Variants in PGM3 observed in about 807,000 individuals in gnomAD.
PGM3 encodes phosphoacetylglucosamine mutase.
A neutral mutation model predicts 66.2 loss-of-function variants in PGM3; 40 were observed. That is an observed-to-expected ratio of 0.60 (90% confidence interval 0.47 to 0.79). PGM3 has a LOEUF of 0.79. PGM3 is among the 30% of genes least tolerant of loss of function. The pLI is 0.00. For synonymous variants in PGM3, 191 were observed against 224.2 expected (o/e 0.85, Z 1.32); for missense variants, 537 against 643.4 (o/e 0.83, Z 1.79).
At chr6:83,164,659 G>A, downstream of PGM3, 1 of 1,572,682 alleles carries the variant, frequency 6.4e-7, no homozygotes, top group Non-Finnish European at 8.6e-7. Context: ...TCCTTCCACA[G>A]GACAAGGAGG....
downstream of PGM3, among the ~76,000 whole-genome samples, chr6:83,163,232 C>T (rs906338947): frequency 1.3e-5 from 2 of 152,024 alleles, no homozygotes; most frequent in African/African-American, 4.8e-5. Flanking sequence ...TGGAACCATA[C>T]ATGTGAGTAT....
At chr6:83,151,535 G>A in the PGM3 span, 21 of 1,378,414 alleles carry the variant, frequency 1.5e-5, no homozygotes, top group Middle Eastern at 2.6e-3. Flanking sequence ...AAATTAGATC[G>A]CATTAGTTTC....
chr6:83,179,636 C>CAA (rs1400548172), intron 7 of PGM3, among the ~76,000 whole-genome samples, 174 bp downstream of exon 7: 1 of 152,122 alleles, frequency 6.6e-6, no homozygotes, highest in Non-Finnish European at 1.5e-5. Flanking sequence ...GTTCCAAAGC[C>CAA]AATGCCTCAA....
downstream of PGM3, among the ~76,000 whole-genome samples, chr6:83,161,890 C>T (rs772706510): frequency 2.5e-4 from 38 of 152,246 alleles, no homozygotes; most frequent in Admixed American, 3.9e-4. Context: ...AGAGTATCCA[C>T]TGTGGTACTT....
the PGM3 span, chr6:83,148,905 T>C: frequency 1.6e-6 from 2 of 1,236,168 alleles, no homozygotes; most frequent in Non-Finnish European, 2.2e-6. Context: ...AAAAGGATAA[T>C]GTTAATTGTC....
the PGM3 span, chr6:83,154,310 T>A: frequency 2.8e-6 from 4 of 1,424,754 alleles, no homozygotes; most frequent in Admixed American, 3.4e-5. Flanking sequence ...TTACTTGTAC[T>A]CTTTTCTGGA....
chr6:83,173,540 A>T (rs1244172325), intron 10 of PGM3, among the ~76,000 whole-genome samples: 2 of 152,210 alleles, frequency 1.3e-5, no homozygotes, highest in Admixed American at 6.5e-5. Context: ...TTCACTTATA[A>T]AATGGAAATT....
intron 3 of PGM3, among the ~76,000 whole-genome samples, chr6:83,187,957 T>C (rs1053418485): frequency 3.9e-5 from 6 of 152,216 alleles, no homozygotes; most frequent in African/African-American, 1.4e-4. Context: ...CCATCGTCGG[T>C]ATCTGGAAAA....
the PGM3 span, chr6:83,153,392 T>TA: frequency 1.8e-6 from 1 of 558,306 alleles, no homozygotes; most frequent in Non-Finnish European, 3.0e-6. Flanking sequence ...CAGGAAGATT[T>TA]AATTTTAGAT....
the PGM3 span, among the ~76,000 whole-genome samples, chr6:83,152,547 A>G: frequency 1.3e-5 from 2 of 151,898 alleles, no homozygotes; most frequent in Non-Finnish European, 2.9e-5. Flanking sequence ...TAGTTTGCCA[A>G]ACATTAGTGA....
chr6:83,155,818 G>T, the PGM3 span: 1 of 997,356 alleles, frequency 1.0e-6, no homozygotes, highest in Non-Finnish European at 1.4e-6. Flanking sequence ...CTGCCCCAGA[G>T]AGGGGCATCA....
chr6:83,182,968 C>T lies in PGM3; in HGVS notation c.468G>A (p.Leu156=), dbSNP rs62419258. The T allele has an allele frequency of 1.3e-6, 2 of 1,588,488 alleles. No individual in the cohort carries two copies. Among genetic ancestry groups the T allele is most frequent in the South Asian group, 1.2e-5 (1 of 85,830 alleles). The change falls in exon 5 of 13, where the codon TTG becomes TTA. Residue 156 remains leucine (L), a synonymous_variant. Coordinates refer to ENST00000513973, the MANE Select transcript of PGM3 (RefSeq NM_015599.3). ...VLGGQFHDYG[L]LTTPQLHYMV... is the part of the protein sequence containing the mutation. ...TGTAGTGCAGCTGGGGTGTTGTTAACAAGCCATAATCTGTCATAGAAATAC... is the reference window on the plus strand; with the variant it reads ...TGTAGTGCAGCTGGGGTGTTGTTAATAAGCCATAATCTGTCATAGAAATAC...
Position 83,166,558 on chromosome 6 carries a change from CA to C in PGM3, c.*2675del, listed in dbSNP as rs368890859. ...AATATAAACAGCAATAAGTCATTAGCAAAAAAAAAGTGAGAAATATGCTTAA... is the reference window on the plus strand; with the variant it reads ...AATATAAACAGCAATAAGTCATTAGCAAAAAAAAGTGAGAAATATGCTTAA... On this transcript the variant is annotated 3_prime_UTR_variant, in exon 13 of 13. Coordinates refer to ENST00000513973, the MANE Select transcript of PGM3 (RefSeq NM_015599.3). The C allele has an allele frequency of 0.017, 9,967 of 575,702 alleles. 327 individuals are homozygous for C. Among genetic ancestry groups the C allele is most frequent in the African/African-American group, 0.081 (4,260 of 52,592 alleles). 35.7% of individuals were successfully genotyped at this position (575,702 alleles called of 1,614,324 possible). A position where few individuals can be genotyped will look rare whatever the true frequency, so the allele number is the denominator to read the frequency against.
the PGM3 span, chr6:83,154,275 C>G: frequency 6.3e-7 from 1 of 1,577,112 alleles, no homozygotes; most frequent in Admixed American, 1.7e-5. Flanking sequence ...CAAGTTCTTT[C>G]CTGTACATGG....
At chr6:83,186,946 A>C in intron 4 of PGM3, 62 bp downstream of exon 4, 1 of 889,218 alleles carries the variant, frequency 1.1e-6, no homozygotes, top group Non-Finnish European at 1.7e-6. Context: ...AATATACATT[A>C]CTTTTGTAAA....
intron 1 of PGM3, among the ~76,000 whole-genome samples, chr6:83,191,609 A>T (rs1028596198): frequency 6.6e-6 from 1 of 152,250 alleles, no homozygotes; most frequent in African/African-American, 2.4e-5. Context: ...TTTGCTAAAA[A>T]CAATCAGGAC....
At chr6:83,155,877 A>G in the PGM3 span, 3 of 1,522,428 alleles carry the variant, frequency 2.0e-6, no homozygotes, top group Non-Finnish European at 8.8e-7. Flanking sequence ...TAGAGCATCT[A>G]GCTATTTTAA....
At position 83,181,858 on chromosome 6, in the gene PGM3, C is replaced by T; in HGVS notation, c.665G>A (p.Arg222Lys). Reference protein sequence around the residue: ...CANGIGALKLREMEHYFSQGL... With the variant: ...CANGIGALKLKEMEHYFSQGL... ...CTGTGAGAAGTAGTGTTCCATTTCC[C>T]TTAGCTTCAGGGCCCCTATGCCATT... Residue 222 changes from arginine to lysine, a missense_variant, in exon 6 of 13, where the codon AGG becomes AAG. By Grantham distance (26) the Arg-to-Lys change is conservative. Coordinates refer to ENST00000513973, the MANE Select transcript of PGM3 (RefSeq NM_015599.3). 1 of 1,614,006 alleles carries T rather than the reference C, an allele frequency of 6.2e-7. No homozygotes were observed. Among genetic ancestry groups the T allele is most frequent in the South Asian group, 1.1e-5 (1 of 91,076 alleles).
At chr6:83,193,046 C>A (rs1789279435) in intron 1 of PGM3, 133 bp downstream of exon 1, 4 of 152,100 alleles carry the variant, frequency 2.6e-5, no homozygotes, top group Admixed American at 2.6e-4. Context: ...CCGCGCGCTC[C>A]GCCGCTCGGT....
Sources: gnomAD v4.1 joint callset for allele counts (sites outside exome capture counted in the v4.1 genomes callset) on GRCh38, gnomAD v4.1.1 for gene constraint, MANE v1.5 for transcripts, NCBI Gene and HGNC (gene_info 2026-07-23, HGNC 2026-07-21) for gene names.